MIA2: variants seen among roughly 807,000 people sequenced by gnomAD.
MIA2 encodes the protein melanoma inhibitory activity protein 2.
In MIA2, 127 loss-of-function variants were observed where a neutral mutation model predicts 167.8. That is an observed-to-expected ratio of 0.76 (90% confidence interval 0.66 to 0.88). The LOEUF is 0.88. Ranked by LOEUF, MIA2 falls within the 40% of genes least tolerant of loss-of-function variation. MIA2 has a pLI of 0.00. For missense variants in MIA2, 1,690 were observed against 1,624.7 expected (o/e 1.04, Z -0.69); for synonymous variants, 552 against 541.9 (o/e 1.02, Z -0.26).
intron 23 of MIA2, among the ~76,000 whole-genome samples, chr14:39,320,441 T>C (rs1359290325): frequency 1.3e-5 from 2 of 152,160 alleles, no homozygotes; most frequent in African/African-American, 2.4e-5. Context: ...TCAGAGTATT[T>C]TATGCATTTT....
At chr14:39,381,586 C>T (rs147888315) in intron 23 of MIA2, among the ~76,000 whole-genome samples, 95 of 151,996 alleles carry the variant, frequency 6.3e-4, no homozygotes, top group Middle Eastern at 3.4e-3. Context: ...GAAGCTCTTT[C>T]GGTTTCGCTT....
intron 6 of MIA2, among the ~76,000 whole-genome samples, chr14:39,275,343 G>A (rs1357235315): frequency 2.0e-5 from 3 of 152,084 alleles, no homozygotes; most frequent in Non-Finnish European, 4.4e-5. Flanking sequence ...GTTTTGCCAC[G>A]TTGGCCAGGC....
At chr14:39,335,802 C>T (rs891425650) in intron 25 of MIA2, among the ~76,000 whole-genome samples, 1 of 152,250 alleles carries the variant, frequency 6.6e-6, no homozygotes, top group East Asian at 1.9e-4. Context: ...CTCTTGTTAT[C>T]ATCTTTATAT....
chr14:39,295,737 T>A (rs2061337434), intron 13 of MIA2, among the ~76,000 whole-genome samples: 1 of 152,058 alleles, frequency 6.6e-6, no homozygotes. Flanking sequence ...TTTTTGTATT[T>A]TTAGTAGAGA....
At chr14:39,372,055 T>C (rs1298515453) in intron 23 of MIA2, among the ~76,000 whole-genome samples, 1 of 152,140 alleles carries the variant, frequency 6.6e-6, no homozygotes, top group South Asian at 2.1e-4. Flanking sequence ...ACAAATCCCC[T>C]TGGCTGGGGT....
intron 9 of MIA2, among the ~76,000 whole-genome samples, chr14:39,283,777 A>G (rs1052749149): frequency 4.6e-5 from 7 of 152,206 alleles, no homozygotes; most frequent in South Asian, 4.1e-4. Flanking sequence ...ACCATTTCAT[A>G]TACCTGTTGG....
At chr14:39,327,822 G>C (rs1359031086) in intron 25 of MIA2, among the ~76,000 whole-genome samples, 2 of 152,140 alleles carry the variant, frequency 1.3e-5, no homozygotes, top group African/African-American at 2.4e-5. Flanking sequence ...TGGCTGCCTA[G>C]TATTCCATGG....
intron 6 of MIA2, among the ~76,000 whole-genome samples, chr14:39,270,098 A>G (rs2056855359): frequency 2.0e-5 from 3 of 151,620 alleles, no homozygotes; most frequent in Admixed American, 6.6e-5. Context: ...TGAGGGTTTC[A>G]GTTTTCTGCA....
chr14:39,298,719 T>G (rs2061901999), intron 13 of MIA2, among the ~76,000 whole-genome samples: 1 of 151,456 alleles, frequency 6.6e-6, no homozygotes, highest in Non-Finnish European at 1.5e-5. Flanking sequence ...TCTTTGCCTA[T>G]TTTTTCTTAT....
chr14:39,337,972 C>T (rs2070829686), intron 25 of MIA2, among the ~76,000 whole-genome samples: 1 of 152,152 alleles, frequency 6.6e-6, no homozygotes, highest in East Asian at 1.9e-4. Flanking sequence ...ATCCACCCAC[C>T]TCGGCCTCCC....
chr14:39,288,449 ATATATATATATATATATATATATATATTT>A (rs2060142951), intron 9 of MIA2, among the ~76,000 whole-genome samples: 3 of 4,372 alleles, frequency 6.9e-4, no homozygotes, highest in African/African-American at 1.9e-3. Flanking sequence ...ATATATATAT[ATATATATATATATATATATATATATATTT>A]TTTTTTTTTT....
chr14:39,267,232 C>T lies in MIA2; in HGVS notation c.1888-9702C>T. On this transcript the variant is annotated intron_variant, in intron 6 of 28. Transcript: ENST00000640607. ...GCGGGTCGGGCTCGGACCTGCGCTG[C>T]CTCGGGATGTAAAGTATAACAAGAG... 4 of 1,372,838 alleles carry T rather than the reference C, an allele frequency of 2.9e-6. No homozygotes were observed. In the South Asian group the frequency reaches 4.9e-5, roughly 17 times the overall value. 85.0% of individuals were successfully genotyped at this position (1,372,838 alleles called of 1,614,324 possible).
At chr14:39,357,643 A>G (rs1031427509) in intron 23 of MIA2, among the ~76,000 whole-genome samples, 3 of 152,128 alleles carry the variant, frequency 2.0e-5, no homozygotes, top group African/African-American at 7.2e-5. Flanking sequence ...CTTTCTTCCT[A>G]GCCTCGATGG....
At chr14:39,327,135 G>A (rs957704932) in intron 25 of MIA2, 113 bp downstream of exon 25, 25 of 751,212 alleles carry the variant, frequency 3.3e-5, no homozygotes, top group East Asian at 2.6e-4. Context: ...AAAAATCATC[G>A]TACATTTTTG....
intron 23 of MIA2, among the ~76,000 whole-genome samples, chr14:39,379,852 A>C (rs962961942): frequency 6.6e-6 from 1 of 152,108 alleles, no homozygotes. Context: ...TATGTCTCAA[A>C]AAAAACCCAA....
chr14:39,315,685 T>G lies in MIA2; in HGVS notation c.3183T>G (p.Ile1061Met). The change falls in exon 21 of 29, where the codon ATT becomes ATG. Residue 1061 changes from isoleucine (I) to methionine (M), a missense_variant and splice_region_variant. By Grantham distance (10) the Ile-to-Met change is conservative. Coordinates refer to ENST00000640607, the MANE Select transcript of MIA2 (RefSeq NM_001329214.4). ...ERTIHSYQGQ[I>M]ISHEKKAHDN... Reference sequence around the variant, plus strand: ...ATTTTAATTACTTTCTTTTTCAGATTATTTCCCATGAGAAAAAAGCACATG... The same window carrying G: ...ATTTTAATTACTTTCTTTTTCAGATGATTTCCCATGAGAAAAAAGCACATG... 1 of 1,556,886 alleles carries G rather than the reference T, an allele frequency of 6.4e-7. No homozygotes were observed. The highest frequency in any genetic ancestry group is 1.2e-5 in the South Asian group (1 of 85,026).
chr14:39,290,728 T>C (rs1032716285), intron 9 of MIA2, among the ~76,000 whole-genome samples: 3 of 152,240 alleles, frequency 2.0e-5, no homozygotes, highest in Non-Finnish European at 4.4e-5. Flanking sequence ...TACTTCATTT[T>C]TAGTAAAAGA....
chr14:39,366,635 T>C lies in MIA2; in HGVS notation c.2248+17658T>C, dbSNP rs115066125. Among the ~76,000 whole-genome samples, 1,055 of 152,226 alleles carry C rather than the reference T, an allele frequency of 6.9e-3. 12 individuals carry two copies. Among genetic ancestry groups the C allele is most frequent in the African/African-American group, 0.024 (983 of 41,526 alleles). On this transcript the variant is annotated intron_variant, in intron 23 of 23. Transcript: ENST00000341502. ...CTGATCCCCACGCCCTTGGATGGTG[T>C]GTTTGGAAATAGCCTGTCCTCAGTC...
At chr14:39,365,532 T>C (rs570875564) in intron 23 of MIA2, among the ~76,000 whole-genome samples, 2 of 152,294 alleles carry the variant, frequency 1.3e-5, no homozygotes, top group African/African-American at 4.8e-5. Context: ...AAGGCCTGTG[T>C]TTAGGTTCTG....
Sources: allele counts gnomAD v4.1 joint callset (sites outside exome capture counted in the v4.1 genomes callset), GRCh38; gene constraint gnomAD v4.1.1; transcripts MANE v1.5; gene names NCBI Gene and HGNC (gene_info 2026-07-23, HGNC 2026-07-21).